PIGW: variants seen among roughly 807,000 people sequenced by gnomAD.
PIGW encodes the protein phosphatidylinositol glycan anchor biosynthesis class W.
PIGW carries 23 observed loss-of-function variants against 34.0 expected under a neutral mutation model. That is an observed-to-expected ratio of 0.68 (90% CI 0.49 to 0.96). The LOEUF (loss-of-function observed/expected upper bound fraction) is 0.96. Ranked by LOEUF, PIGW falls within the 40% of genes least tolerant of loss-of-function variation. The pLI is 0.00. For synonymous variants in PIGW, 225 were observed against 225.2 expected (o/e 1.00, Z 0.01); for missense variants, 574 against 586.3 (o/e 0.98, Z 0.22).
chr17:36,537,049 A>G (rs2074149261), intron 1 of PIGW, 45 bp from the exon 2 acceptor site: 1 of 1,485,468 alleles, frequency 6.7e-7, no homozygotes, highest in Non-Finnish European at 9.1e-7. Flanking sequence ...ATTACACAAG[A>G]ATGCTGCTTT....
intron 1 of PIGW, among the ~76,000 whole-genome samples, chr17:36,536,508 T>A (rs372118429): frequency 6.6e-6 from 1 of 151,728 alleles, no homozygotes; most frequent in East Asian, 1.9e-4. Context: ...TCTCTTTTCC[T>A]TTGCTTTTTC....
Position 36,537,616 on chromosome 17 carries a change from G to A in PIGW, c.515G>A (p.Gly172Asp), listed in dbSNP as rs2074160316. Residue 172 changes from glycine (G) to aspartate (D), a missense_variant, in exon 2 of 2, where the codon GGT becomes GAT. Gly to Asp is a moderately conservative substitution (Grantham distance 94). Coordinates refer to ENST00000614443, the MANE Select transcript of PIGW (RefSeq NM_001346754.2). ...YGTGAMDFGV[G>D]GFVFGSAMVC... ...ACAGGAGCAATGGATTTTGGAGTAG[G>A]TGGCTTTGTTTTTGGGTCTGCAATG... The A allele has an allele frequency of 6.2e-7, 1 of 1,614,004 alleles. No individual in the cohort carries two copies. Among genetic ancestry groups the A allele is most frequent in the African/African-American group, 1.3e-5 (1 of 74,898 alleles).
At position 36,538,230 on chromosome 17, in the gene PIGW, A is replaced by T. The variant is rs1233601118; in HGVS notation, c.1129A>T (p.Ile377Leu). ...RMANLAFCIW[I>L]VASSLILLSS... ...GGCAAATTTAGCCTTTTGTATTTGG[A>T]TAGTTGCTTCTAGCCTGATCCTTCT... Residue 377 changes from isoleucine (I) to leucine (L), a missense_variant, in exon 2 of 2, where the codon ATA becomes TTA. Physicochemically the swap from Ile to Leu is conservative, Grantham distance 5 (BLOSUM62 2). Coordinates refer to ENST00000614443, the MANE Select transcript of PIGW (RefSeq NM_001346754.2). The T allele has an allele frequency of 6.2e-7, 1 of 1,613,012 alleles. No homozygotes were observed. The highest frequency in any genetic ancestry group is 1.3e-5 in the African/African-American group (1 of 74,922).
chr17:36,536,713 C>A (rs1030255968), intron 1 of PIGW, among the ~76,000 whole-genome samples: 4 of 152,086 alleles, frequency 2.6e-5, no homozygotes, highest in African/African-American at 9.7e-5. Context: ...CGGGCTTTCA[C>A]CATGTTGACC....
At position 36,539,107 on chromosome 17, in the gene PIGW, CT is replaced by C. The variant is rs1468938499; in HGVS notation, c.*495del. On this transcript the variant is annotated 3_prime_UTR_variant, in exon 2 of 2. Coordinates refer to ENST00000614443, the MANE Select transcript of PIGW (RefSeq NM_001346754.2). ...CAATAAAACCAAGAAGAAACAAAGC[CT>C]TTTGACTTGTTAGAATGTATTAAGT... The C allele has an allele frequency of 1.2e-5, 2 of 167,202 alleles. No homozygotes were observed. The highest frequency in any genetic ancestry group is 4.8e-5 in the African/African-American group (2 of 41,386). 10.4% of individuals were successfully genotyped at this position (167,202 alleles called of 1,614,324 possible). A position where few individuals can be genotyped will look rare whatever the true frequency, so the allele number is the denominator to read the frequency against.
chr17:36,539,181 G>A lies in PIGW; in HGVS notation c.*565G>A, dbSNP rs1337372415. 3 of 167,022 alleles carry A rather than the reference G, an allele frequency of 1.8e-5. No homozygotes were observed. Among genetic ancestry groups the A allele is most frequent in the African/African-American group, 7.2e-5 (3 of 41,448 alleles). The allele number at this position is 167,022 out of a possible 1,614,324, so 10.3% of individuals were successfully genotyped here. A position where few individuals can be genotyped will look rare whatever the true frequency, so the allele number is the denominator to read the frequency against. ...GTTGTGACATTGAAAGACTGTTGGG[G>A]TGGGGGGAGGAAAATTTTTACTTTC... On this transcript the variant is annotated 3_prime_UTR_variant, in exon 2 of 2. Transcript: ENST00000614443.
In PIGW at chr17:36,538,325, A is replaced by G. The variant is rs778832621; in HGVS notation, c.1224A>G (p.Pro408=). The change falls in exon 2 of 2, where the codon CCA becomes CCG. Residue 408 remains proline (P), a synonymous_variant. Transcript: ENST00000614443. ...TTCTAATTAAAGGAGCTCTAGTACC[A>G]TGTTCTTGGAAACTTATCCAGTCAC... ...AKFLIKGALV[P]CSWKLIQSPV... is the part of the protein sequence containing the mutation. The G allele has an allele frequency of 1.2e-6, 2 of 1,614,038 alleles. No homozygotes were observed. Among genetic ancestry groups the G allele is most frequent in the South Asian group, 1.1e-5 (1 of 91,074 alleles).
At position 36,537,561 on chromosome 17, in the gene PIGW, A is replaced by G. The variant is rs1256773607; in HGVS notation, c.460A>G (p.Arg154Gly). ...ILAVDFPLFPRRFAKTELYGT... is the reference protein window; with the variant it reads ...ILAVDFPLFPGRFAKTELYGT... Reference sequence around the variant, plus strand: ...GGCTGTGGACTTCCCACTTTTTCCCAGAAGATTTGCCAAAACTGAGCTCTA... The same window carrying G: ...GGCTGTGGACTTCCCACTTTTTCCCGGAAGATTTGCCAAAACTGAGCTCTA... The change falls in exon 2 of 2, where the codon AGA becomes GGA. Residue 154 changes from arginine (R) to glycine (G), a missense_variant. By Grantham distance (125) the Arg-to-Gly change is moderately radical. Transcript: ENST00000614443. 6 of 1,613,954 alleles carry G rather than the reference A, an allele frequency of 3.7e-6. No homozygotes were observed. The African/African-American group carries it at 6.7e-5, about 18-fold the overall frequency.
At chr17:36,536,742 T>C (rs977942551) in intron 1 of PIGW, among the ~76,000 whole-genome samples, 2 of 152,184 alleles carry the variant, frequency 1.3e-5, no homozygotes, top group African/African-American at 4.8e-5. Flanking sequence ...CTCGAACTCC[T>C]GACCTCAGGT....
In PIGW at chr17:36,535,451, GA is replaced by G. The variant is rs1461551057; in HGVS notation, c.-148del. On this transcript the variant is annotated 5_prime_UTR_variant, in exon 1 of 2. It introduces an in-frame stop codon into an upstream open reading frame of the 5' UTR. Transcript: ENST00000614443. ...GAGACGCGCGGAATCGGCCGGCCCG[GA>G]AGTGCCAGCTGCCTGCGTCGGCCGG... is the stretch of plus-strand genomic sequence containing the variant. The G allele has an allele frequency of 3.9e-5, 6 of 152,288 alleles. No homozygotes were observed. The highest frequency in any genetic ancestry group is 3.9e-4 in the Admixed American group (6 of 15,286). The allele number at this position is 152,288 out of a possible 1,614,324, so 9.4% of individuals were successfully genotyped here.
At position 36,538,633 on chromosome 17, in the gene PIGW, AT is replaced by A. The variant is rs1160492884; in HGVS notation, c.*18del. ...TTTTGGTGATCAGCAGGAGTAGGAT[AT>A]ATAAGTATTTGGGCAATATTTAATG... On this transcript the variant is annotated 3_prime_UTR_variant, in exon 2 of 2. Coordinates refer to ENST00000614443, the MANE Select transcript of PIGW (RefSeq NM_001346754.2). 2.6e-6 allele frequency: 4 copies of A among 1,530,944 alleles called. No individual in the cohort carries two copies. The highest frequency in any genetic ancestry group is 3.6e-6 in the Non-Finnish European group (4 of 1,125,476). The allele number at this position is 1,530,944 out of a possible 1,614,324, so 94.8% of individuals were successfully genotyped here.
At position 36,537,514 on chromosome 17, in the gene PIGW, C is replaced by T. The variant is rs761046219; in HGVS notation, c.413C>T (p.Ala138Val). 1.1e-5 allele frequency: 17 copies of T among 1,613,962 alleles called. No homozygotes were observed. Among genetic ancestry groups the T allele is most frequent in the East Asian group, 2.2e-5 (1 of 44,892 alleles). ...TCCTGTTTCCGTGTAATTACCAGTG[C>T]GTTTACTGCTATTGCTATTTTGGCT... is the stretch of plus-strand genomic sequence containing the variant. ...AISCFRVITS[A>V]FTAIAILAVD... Residue 138 changes from alanine to valine, a missense_variant, in exon 2 of 2, where the codon GCG (alanine) becomes GTG (valine). By Grantham distance (64) the Ala-to-Val change is moderately conservative (BLOSUM62 0). Transcript: ENST00000614443.
In PIGW at chr17:36,535,390, G is replaced by A. The variant is rs979328638; in HGVS notation, c.-211G>A. 2 of 152,304 alleles carry A rather than the reference G, an allele frequency of 1.3e-5. No individual in the cohort carries two copies. The highest frequency in any genetic ancestry group is 2.1e-4 in the South Asian group (1 of 4,838). The allele number at this position is 152,304 out of a possible 1,614,324, so 9.4% of individuals were successfully genotyped here. ...CCAAAGGACATGACAGGAGTGGGTAGCCCACGGGACACTGGCACGAGCGCC... is the reference window on the plus strand; with the variant it reads ...CCAAAGGACATGACAGGAGTGGGTAACCCACGGGACACTGGCACGAGCGCC... On this transcript the variant is annotated 5_prime_UTR_variant, in exon 1 of 2. It removes the in-frame stop codon of an upstream open reading frame in the 5' UTR. Transcript: ENST00000614443.
Position 36,535,232 on chromosome 17 carries a change from G to GGCGGAGAGTTGTGCGAGT in PIGW, c.-369_-368insGCGGAGAGTTGTGCGAGT, listed in dbSNP as rs797035387. The GGCGGAGAGTTGTGCGAGT allele has an allele frequency of 1.3e-5, 2 of 152,044 alleles. No individual in the cohort carries two copies. Among genetic ancestry groups the GGCGGAGAGTTGTGCGAGT allele is most frequent in the African/African-American group, 4.8e-5 (2 of 41,354 alleles). 9.4% of individuals were successfully genotyped at this position (152,044 alleles called of 1,614,324 possible). On this transcript the variant is annotated 5_prime_UTR_variant, in exon 1 of 2. Transcript: ENST00000614443. The stretch of plus-strand genomic sequence containing the variant: ...CGAGTGCGGCGGAGTGTTGTGCGAG[G>GGCGGAGAGTTGTGCGAGT]CCGGCGGACACCATTACCCTGATAG...
At position 36,537,389 on chromosome 17, in the gene PIGW, A is replaced by T. The variant is rs2074156562; in HGVS notation, c.288A>T (p.Gln96His). 7 of 1,614,006 alleles carry T rather than the reference A, an allele frequency of 4.3e-6. No homozygotes were observed. Among genetic ancestry groups the T allele is most frequent in the Non-Finnish European group, 5.1e-6 (6 of 1,180,034 alleles). Residue 96 changes from glutamine (Q) to histidine (H), a missense_variant, in exon 2 of 2, where the codon CAA becomes CAT. Transcript: ENST00000614443. Reference sequence around the variant, plus strand: ...TCTTTGGGGCAGGGCTGTTGTATCAAATATACCGAAGGAGGACCTGCTATG... The same window carrying T: ...TCTTTGGGGCAGGGCTGTTGTATCATATATACCGAAGGAGGACCTGCTATG... The part of the protein sequence containing the change: ...VIIFGAGLLY[Q>H]IYRRRTCYAR...
chr17:36,537,829 T>C lies in PIGW; in HGVS notation c.728T>C (p.Ile243Thr). The change falls in exon 2 of 2, where the codon ATA (isoleucine) becomes ACA (threonine). Residue 243 changes from isoleucine (I) to threonine (T), a missense_variant. By Grantham distance (89) the Ile-to-Thr change is moderately conservative. Transcript: ENST00000614443. Reference protein sequence around the residue: ...GVHWNFFFTIIVVKLITPLLL... With the variant: ...GVHWNFFFTITVVKLITPLLL... Reference sequence around the variant, plus strand: ...CACTGGAACTTTTTCTTTACCATAATAGTTGTGAAATTGATAACACCACTG... The same window carrying C: ...CACTGGAACTTTTTCTTTACCATAACAGTTGTGAAATTGATAACACCACTG... 1 of 1,614,182 alleles carries C rather than the reference T, an allele frequency of 6.2e-7. No homozygotes were observed.
chr17:36,535,276 G>C lies in PIGW; in HGVS notation c.-325G>C, dbSNP rs1567804702. The C allele has an allele frequency of 2.0e-5, 3 of 148,994 alleles. No individual in the cohort carries two copies. The highest frequency in any genetic ancestry group is 4.4e-5 in the Non-Finnish European group (3 of 68,084). The allele number at this position is 148,994 out of a possible 1,614,324, so 9.2% of individuals were successfully genotyped here. A position where few individuals can be genotyped will look rare whatever the true frequency, so the allele number is the denominator to read the frequency against. ...CTGATAGGGCCTCGCCGTGAGGTCT[G>C]AGGGGCCGTGTGAGGTGCATGGCGC... On this transcript the variant is annotated 5_prime_UTR_variant, in exon 1 of 2. An upstream open reading frame in the 5' UTR loses its in-frame stop. Transcript: ENST00000614443.
chr17:36,537,032 T>G, intron 1 of PIGW, 62 bp from the exon 2 acceptor site: 2 of 1,391,620 alleles, frequency 1.4e-6, no homozygotes, highest in African/African-American at 1.4e-5. Flanking sequence ...TTAAGCCAGG[T>G]ATGCTAATTA....
In PIGW at chr17:36,537,715, C is replaced by T; in HGVS notation, c.614C>T (p.Ser205Phe). Residue 205 changes from serine (S) to phenylalanine (F), a missense_variant, in exon 2 of 2, where the codon TCT becomes TTT. Physicochemically the swap from Ser to Phe is radical, Grantham distance 155 (BLOSUM62 -2). Coordinates refer to ENST00000614443, the MANE Select transcript of PIGW (RefSeq NM_001346754.2). Reference protein sequence around the residue: ...KLHYFTNSLYSVWPLVFLGIG... With the variant: ...KLHYFTNSLYFVWPLVFLGIG... ...CATTACTTTACAAACTCATTGTACTCTGTTTGGCCATTAGTCTTCCTAGGA... is the reference window on the plus strand; with the variant it reads ...CATTACTTTACAAACTCATTGTACTTTGTTTGGCCATTAGTCTTCCTAGGA... 1 of 1,614,162 alleles carries T rather than the reference C, an allele frequency of 6.2e-7. No individual in the cohort carries two copies. Among genetic ancestry groups the T allele is most frequent in the South Asian group, 1.1e-5 (1 of 91,078 alleles).
Sources: allele counts gnomAD v4.1 joint callset (sites outside exome capture counted in the v4.1 genomes callset), GRCh38; gene constraint gnomAD v4.1.1; transcripts MANE v1.5; gene names NCBI Gene and HGNC (gene_info 2026-07-23, HGNC 2026-07-21).